GRID2: variants seen among roughly 807,000 people sequenced by gnomAD.
The protein encoded by GRID2 is glutamate receptor ionotropic, delta-2.
Under a neutral mutation model 114.8 loss-of-function variants are expected in GRID2, and 33 were observed. The ratio of observed to expected loss-of-function variants is 0.29; its 90% CI spans 0.22 to 0.38. The LOEUF (loss-of-function observed/expected upper bound fraction) is 0.38. GRID2 is among the 10% of genes least tolerant of loss of function. The pLI, the probability that GRID2 is intolerant of heterozygous loss-of-function variation, is 1.00. For missense variants in GRID2, 1,184 were observed against 1,257.7 expected (o/e 0.94, Z 0.89); for synonymous variants, 505 against 449.9 (o/e 1.12, Z -1.55).
intron 2 of GRID2, among the ~76,000 whole-genome samples, chr4:92,817,024 G>A (rs1195375211): frequency 6.6e-6 from 1 of 151,718 alleles, no homozygotes; most frequent in African/African-American, 2.4e-5. Flanking sequence ...AACCATCTTG[G>A]ATGGTTAAAA....
chr4:93,250,166 T>C (rs892951601), intron 8 of GRID2, among the ~76,000 whole-genome samples: 9 of 151,916 alleles, frequency 5.9e-5, no homozygotes, highest in Admixed American at 5.9e-4. Context: ...TATGCAGCCA[T>C]AAAAAAGGAT....
intron 2 of GRID2, among the ~76,000 whole-genome samples, chr4:92,670,481 T>G (rs1202344321): frequency 6.6e-6 from 1 of 152,090 alleles, no homozygotes; most frequent in East Asian, 1.9e-4. Flanking sequence ...GTATTTACTA[T>G]TTTGAGTTCA....
At chr4:92,812,103 A>T (rs943365804) in intron 2 of GRID2, among the ~76,000 whole-genome samples, 4 of 152,180 alleles carry the variant, frequency 2.6e-5, no homozygotes, top group African/African-American at 9.6e-5. Context: ...CTTTATGTGA[A>T]CGTGAATGAA....
At chr4:93,731,030 G>A (rs1465842798) in intron 14 of GRID2, among the ~76,000 whole-genome samples, 2 of 152,218 alleles carry the variant, frequency 1.3e-5, no homozygotes, top group Middle Eastern at 3.2e-3. Flanking sequence ...ACTGACTATA[G>A]TTGGCCCTGA....
intron 1 of GRID2, among the ~76,000 whole-genome samples, chr4:92,425,733 C>T (rs1310384618): frequency 6.6e-6 from 1 of 152,008 alleles, no homozygotes; most frequent in Non-Finnish European, 1.5e-5. Context: ...AATTCTGGCA[C>T]CATTATGTCC....
At chr4:93,613,007 A>G (rs1047614051) in intron 13 of GRID2, among the ~76,000 whole-genome samples, 3 of 136,024 alleles carry the variant, frequency 2.2e-5, no homozygotes, top group South Asian at 2.5e-4. Flanking sequence ...GGCTTTGCTC[A>G]TTTCTTTTTA....
At chr4:92,354,224 G>A (rs1032956539) in intron 1 of GRID2, among the ~76,000 whole-genome samples, 3 of 151,998 alleles carry the variant, frequency 2.0e-5, no homozygotes, top group Non-Finnish European at 2.9e-5. Flanking sequence ...GGCGAGGACA[G>A]ATAAATATGC....
At chr4:92,562,629 C>T (rs555065629) in intron 1 of GRID2, among the ~76,000 whole-genome samples, 3 of 152,168 alleles carry the variant, frequency 2.0e-5, no homozygotes, top group African/African-American at 4.8e-5. Flanking sequence ...CTCCTGTGCC[C>T]GGTAGGCCCG....
chr4:92,608,890 A>C (rs1319267014), intron 2 of GRID2, among the ~76,000 whole-genome samples: 1 of 151,776 alleles, frequency 6.6e-6, no homozygotes, highest in East Asian at 1.9e-4. Flanking sequence ...TCTTTCACCC[A>C]AATATATATT....
chr4:92,659,363 C>T (rs1732409305), intron 2 of GRID2, among the ~76,000 whole-genome samples: 2 of 151,368 alleles, frequency 1.3e-5, no homozygotes, highest in Admixed American at 1.3e-4. Flanking sequence ...CACAGGAAAT[C>T]CAGTTGATTG....
intron 1 of GRID2, among the ~76,000 whole-genome samples, chr4:92,482,329 G>T (rs1359592002): frequency 6.6e-6 from 1 of 151,776 alleles, no homozygotes; most frequent in African/African-American, 2.4e-5. Flanking sequence ...TACTTAGAGG[G>T]CAGAGGGAGG....
chr4:92,454,904 T>C (rs893369906), intron 1 of GRID2, among the ~76,000 whole-genome samples: 6 of 152,214 alleles, frequency 3.9e-5, no homozygotes, highest in African/African-American at 1.2e-4. Flanking sequence ...TCACATATTA[T>C]GTTGTCCCAA....
intron 14 of GRID2, among the ~76,000 whole-genome samples, chr4:93,651,679 G>A (rs1271613246): frequency 6.6e-6 from 1 of 152,176 alleles, no homozygotes; most frequent in Non-Finnish European, 1.5e-5. Context: ...ACTGAGACTG[G>A]TAGATTCAGC....
intron 14 of GRID2, among the ~76,000 whole-genome samples, chr4:93,652,222 G>T (rs1722640780): frequency 6.6e-6 from 1 of 151,966 alleles, no homozygotes; most frequent in South Asian, 2.1e-4. Flanking sequence ...CATGCACAGA[G>T]GGAAGACCAC....
chr4:93,250,785 A>G (rs909324460), intron 8 of GRID2, among the ~76,000 whole-genome samples: 10 of 149,202 alleles, frequency 6.7e-5, no homozygotes, highest in African/African-American at 2.2e-4. Flanking sequence ...GTGTGCATGC[A>G]TGTATATATA....
chr4:92,933,693 G>A (rs1051076384), intron 2 of GRID2, among the ~76,000 whole-genome samples: 3 of 151,442 alleles, frequency 2.0e-5, no homozygotes, highest in African/African-American at 7.3e-5. Flanking sequence ...AAATTCTACT[G>A]AACTTCTGAG....
At position 92,567,361 on chromosome 4, in the gene GRID2, T is replaced by C. The variant is rs114057878; in HGVS notation, c.89-22770T>C. 3.2e-3 allele frequency among the ~76,000 whole-genome samples: 492 copies of C among 152,152 alleles called. 3 individuals carry two copies. Among genetic ancestry groups the C allele is most frequent in the African/African-American group, 0.011 (472 of 41,546 alleles). Reference sequence around the variant, plus strand: ...ACAGTGGTTTTTCTTATTTTTGAGTTAGATACCTGATAGGCTTACATTTGC... The same window carrying C: ...ACAGTGGTTTTTCTTATTTTTGAGTCAGATACCTGATAGGCTTACATTTGC... On this transcript the variant is annotated intron_variant, in intron 1 of 15. Coordinates refer to ENST00000282020, the MANE Select transcript of GRID2 (RefSeq NM_001510.4).
intron 4 of GRID2, among the ~76,000 whole-genome samples, chr4:93,158,217 T>C (rs1737357823): frequency 6.6e-6 from 1 of 151,844 alleles, no homozygotes; most frequent in African/African-American, 2.4e-5. Context: ...CAATTCGTTA[T>C]GCAGGAGCTA....
intron 2 of GRID2, among the ~76,000 whole-genome samples, chr4:92,691,240 C>T (rs1734169433): frequency 6.6e-6 from 1 of 151,888 alleles, no homozygotes; most frequent in Non-Finnish European, 1.5e-5. Context: ...ATATCGTATC[C>T]AAAAATTATG....
Sources: gnomAD v4.1 joint callset for allele counts (sites outside exome capture counted in the v4.1 genomes callset) on GRCh38, gnomAD v4.1.1 for gene constraint, MANE v1.5 for transcripts, NCBI Gene and HGNC (gene_info 2026-07-23, HGNC 2026-07-21) for gene names.